Variants in TTC28 observed in about 807,000 individuals in gnomAD.
TTC28 encodes tetratricopeptide repeat protein 28.
Under a neutral mutation model 198.0 loss-of-function variants are expected in TTC28, and 61 were observed. The ratio of observed to expected loss-of-function variants is 0.31; its 90% confidence interval spans 0.25 to 0.38. The LOEUF is 0.38. Ranked by LOEUF, TTC28 falls within the 10% of genes least tolerant of loss-of-function variation. TTC28 has a pLI of 1.00. For missense variants in TTC28, 2,678 were observed against 3,164.0 expected (o/e 0.85, Z 3.69); for synonymous variants, 1,171 against 1,297.8 (o/e 0.90, Z 2.10).
intron 12 of TTC28, among the ~76,000 whole-genome samples, chr22:28,031,254 C>T (rs760912902): frequency 1.3e-5 from 2 of 152,168 alleles, no homozygotes; most frequent in Non-Finnish European, 2.9e-5. Flanking sequence ...CACCATGCCT[C>T]CCAACCAACT....
intron 2 of TTC28, among the ~76,000 whole-genome samples, chr22:28,592,493 A>T (rs76597611): frequency 4.0e-5 from 6 of 150,228 alleles, no homozygotes; most frequent in East Asian, 1.9e-4. Context: ...TCTGTAATTT[A>T]AAAAAAAAAT....
chr22:28,550,263 T>C (rs1601553142), intron 2 of TTC28, among the ~76,000 whole-genome samples: 1 of 152,188 alleles, frequency 6.6e-6, no homozygotes, highest in Non-Finnish European at 1.5e-5. Flanking sequence ...GTGGCTACAA[T>C]TCATTTTGAA....
At chr22:28,315,440 G>C (rs1038258324) in intron 2 of TTC28, among the ~76,000 whole-genome samples, 4 of 152,008 alleles carry the variant, frequency 2.6e-5, no homozygotes, top group African/African-American at 9.7e-5. Context: ...ATTCCTCCTT[G>C]TTATCATGTT....
At chr22:28,142,861 C>A (rs1053382107) in intron 6 of TTC28, among the ~76,000 whole-genome samples, 11 of 152,140 alleles carry the variant, frequency 7.2e-5, no homozygotes, top group African/African-American at 2.7e-4. Flanking sequence ...CCATGAGAGT[C>A]CCCAGAATAA....
intron 6 of TTC28, among the ~76,000 whole-genome samples, chr22:28,156,767 T>C (rs1490155628): frequency 3.6e-4 from 55 of 152,150 alleles, no homozygotes; most frequent in Admixed American, 3.6e-3. Context: ...ACTGGAGCAG[T>C]TGTCAAAGGT....
intron 13 of TTC28, among the ~76,000 whole-genome samples, chr22:28,027,423 A>C (rs563188587): frequency 1.3e-5 from 2 of 152,382 alleles, no homozygotes; most frequent in Admixed American, 1.3e-4. Context: ...AACAAAGAGC[A>C]ATTCCTGAAG....
At chr22:28,513,863 A>G (rs1302866603) in intron 2 of TTC28, among the ~76,000 whole-genome samples, 1 of 152,126 alleles carries the variant, frequency 6.6e-6, no homozygotes, top group Non-Finnish European at 1.5e-5. Context: ...GAATTGCTAT[A>G]ACAATATAGT....
At chr22:28,171,628 A>T (rs1922689209) in intron 5 of TTC28, among the ~76,000 whole-genome samples, 1 of 151,994 alleles carries the variant, frequency 6.6e-6, no homozygotes, top group Non-Finnish European at 1.5e-5. Flanking sequence ...TTTGCAAAAA[A>T]AAAAAAAAAA....
intron 2 of TTC28, among the ~76,000 whole-genome samples, chr22:28,322,282 C>T (rs534881845): frequency 6.6e-6 from 1 of 152,136 alleles, no homozygotes; most frequent in African/African-American, 2.4e-5. Context: ...CATTTAATGT[C>T]TTTTCCAAAT....
chr22:28,003,485 C>T lies in TTC28; in HGVS notation c.4219-1932G>A, dbSNP rs142999733. Among the ~76,000 whole-genome samples, 1,436 of 151,372 alleles carry T rather than the reference C, an allele frequency of 9.5e-3. 25 individuals carry two copies. Among genetic ancestry groups the T allele is most frequent in the African/African-American group, 0.032 (1,336 of 41,434 alleles). ...GCTTTGCTGTGACAAGATGCCAGCC[C>T]CAGCCCCAGCCCCAGGCCTGCAGGT... On this transcript the variant is annotated intron_variant, in intron 14 of 22. Coordinates refer to ENST00000397906, the MANE Select transcript of TTC28 (RefSeq NM_001145418.2).
Position 28,223,878 on chromosome 22 carries a change from C to T in TTC28, c.934-60279G>A, listed in dbSNP as rs1056800298. 3.9e-5 allele frequency among the ~76,000 whole-genome samples: 6 copies of T among 152,196 alleles called. 1 individual carries two copies. Among genetic ancestry groups the T allele is most frequent in the South Asian group, 4.1e-4 (2 of 4,832 alleles). Reference sequence around the variant, plus strand: ...CTGATATTAAACCTTCCCTTCTACACGGGCTTTGGATTTTGGCGGGAAAAT... The same window carrying T: ...CTGATATTAAACCTTCCCTTCTACATGGGCTTTGGATTTTGGCGGGAAAAT... On this transcript the variant is annotated intron_variant, in intron 5 of 22. Coordinates refer to ENST00000397906, the MANE Select transcript of TTC28 (RefSeq NM_001145418.2).
At chr22:28,218,921 A>G (rs1041733737) in intron 5 of TTC28, among the ~76,000 whole-genome samples, 3 of 151,588 alleles carry the variant, frequency 2.0e-5, no homozygotes, top group African/African-American at 7.3e-5. Flanking sequence ...TTTTCCCACC[A>G]TTACTTTTAT....
intron 6 of TTC28, among the ~76,000 whole-genome samples, chr22:28,136,832 G>A (rs1028216379): frequency 2.0e-5 from 3 of 152,158 alleles, no homozygotes; most frequent in Non-Finnish European, 4.4e-5. Context: ...CTGGAGAACT[G>A]CACACATGCT....
At chr22:28,308,893 T>C (rs2045198408) in intron 2 of TTC28, among the ~76,000 whole-genome samples, 1 of 152,188 alleles carries the variant, frequency 6.6e-6, no homozygotes, top group African/African-American at 2.4e-5. Context: ...ATTGTATCCC[T>C]GTAAAGATAG....
intron 6 of TTC28, among the ~76,000 whole-genome samples, chr22:28,125,823 T>TA (rs991123837): frequency 2.6e-5 from 4 of 151,898 alleles, no homozygotes; most frequent in Non-Finnish European, 4.4e-5. Flanking sequence ...ATCTGTTAAA[T>TA]AAAAAAAATG....
chr22:28,219,567 G>A (rs1927690961), intron 5 of TTC28, among the ~76,000 whole-genome samples: 1 of 151,754 alleles, frequency 6.6e-6, no homozygotes, highest in African/African-American at 2.4e-5. Context: ...GCTCATAGGA[G>A]ATGCAAAACA....
At chr22:28,341,651 G>A (rs1337264161) in intron 2 of TTC28, among the ~76,000 whole-genome samples, 1 of 152,082 alleles carries the variant, frequency 6.6e-6, no homozygotes, top group South Asian at 2.1e-4. Context: ...AATTAGCGGG[G>A]CGTGGTGGCA....
At chr22:28,087,226 C>G (rs1012372425) in intron 12 of TTC28, among the ~76,000 whole-genome samples, 4 of 152,084 alleles carry the variant, frequency 2.6e-5, no homozygotes, top group Non-Finnish European at 5.9e-5. Context: ...AATTTTAGAC[C>G]AATATCCTTG....
chr22:28,286,486 C>G (rs1423273418), intron 5 of TTC28, among the ~76,000 whole-genome samples: 1 of 152,204 alleles, frequency 6.6e-6, no homozygotes, highest in African/African-American at 2.4e-5. Context: ...ATTAAAACTA[C>G]CCACATTTTA....
Sources: gnomAD v4.1 joint callset for allele counts (sites outside exome capture counted in the v4.1 genomes callset) on GRCh38, gnomAD v4.1.1 for gene constraint, MANE v1.5 for transcripts, NCBI Gene and HGNC (gene_info 2026-07-23, HGNC 2026-07-21) for gene names.